Variants in AHRR observed in about 807,000 individuals in gnomAD.
AHRR encodes the protein ahR repressor.
AHRR carries 28 observed loss-of-function variants against 44.0 expected under a neutral mutation model. That is an observed-to-expected ratio of 0.64 (90% confidence interval 0.47 to 0.87). The LOEUF (loss-of-function observed/expected upper bound fraction) is 0.87. Ranked by LOEUF, AHRR falls within the 40% of genes least tolerant of loss-of-function variation. The pLI is 0.00. For synonymous variants in AHRR, 434 were observed against 407.0 expected, an observed-to-expected ratio of 1.07 and a Z score of -0.80; for missense variants, 990 against 953.9, an observed-to-expected ratio of 1.04 and a Z score of -0.50.
intron 9 of AHRR, 57 bp from the exon 10 acceptor site, chr5:432,749 T>G (rs1367824926): frequency 3.1e-6 from 5 of 1,613,236 alleles, no homozygotes; most frequent in Non-Finnish European, 4.2e-6. Flanking sequence ...GCAACCGTCT[T>G]CCAGGAGCTC....
At chr5:366,601 G>A (rs575099489) in intron 3 of AHRR, among the ~76,000 whole-genome samples, 8 of 152,288 alleles carry the variant, frequency 5.3e-5, no homozygotes, top group Non-Finnish European at 1.0e-4. Context: ...TGGTGAAAAT[G>A]GGATGAGACA....
At chr5:377,587 C>T (rs572955507) in intron 4 of AHRR, among the ~76,000 whole-genome samples, 35 of 152,324 alleles carry the variant, frequency 2.3e-4, no homozygotes, top group African/African-American at 8.4e-4. Flanking sequence ...AGCCAGCAGC[C>T]ACTAGTCTCC....
At chr5:389,752 G>T in intron 4 of AHRR, among the ~76,000 whole-genome samples, 1 of 151,996 alleles carries the variant, frequency 6.6e-6, no homozygotes, top group Non-Finnish European at 1.5e-5. Context: ...CACGGCACAG[G>T]CCCGCTCTGG....
intron 1 of AHRR, among the ~76,000 whole-genome samples, chr5:329,715 T>A (rs1487641495): frequency 6.6e-6 from 1 of 152,216 alleles, no homozygotes; most frequent in Non-Finnish European, 1.5e-5. Flanking sequence ...TTCTCAGGTA[T>A]TTTTTAATGG....
chr5:408,530 A>G (rs959582556), intron 4 of AHRR, among the ~76,000 whole-genome samples: 1 of 152,042 alleles, frequency 6.6e-6, no homozygotes, highest in Non-Finnish European at 1.5e-5. Flanking sequence ...TCCTTGGATT[A>G]TATCTGCTTG....
At chr5:413,194 T>TA (rs1735541521) in intron 4 of AHRR, 150 bp from the exon 5 acceptor site, 1 of 523,798 alleles carries the variant, frequency 1.9e-6, no homozygotes, top group African/African-American at 2.0e-5. Flanking sequence ...GACAAAATGG[T>TA]AATAAATAAA....
intron 3 of AHRR, among the ~76,000 whole-genome samples, chr5:361,936 G>A (rs958025392): frequency 2.6e-5 from 4 of 152,234 alleles, no homozygotes; most frequent in African/African-American, 9.6e-5. Context: ...TTGGGATGGA[G>A]TTAATGTATT....
chr5:322,719 C>T (rs1018286509), intron 1 of AHRR: 9 of 152,178 alleles, frequency 5.9e-5, no homozygotes, highest in African/African-American at 1.9e-4. Flanking sequence ...GGACTCGGGC[C>T]GAGTGTGCCA....
intron 4 of AHRR, among the ~76,000 whole-genome samples, chr5:401,545 C>T (rs900518347): frequency 5.3e-5 from 8 of 152,218 alleles, no homozygotes; most frequent in Non-Finnish European, 1.0e-4. Context: ...GTACTCCCCA[C>T]GGTCAACTCC....
At chr5:376,555 A>ACCGCGGGGT (rs1306970800) in intron 3 of AHRR, 55 bp from the exon 4 acceptor site, 3 of 1,431,438 alleles carry the variant, frequency 2.1e-6, no homozygotes, top group Admixed American at 2.2e-5. Context: ...TGAATGAAGA[A>ACCGCGGGGT]GAGTGGCCAG....
rs201569850 is a variant in AHRR, at chr5:433,951, C to T, written c.1211C>T (p.Ala404Val). 466 of 1,551,010 alleles carry T rather than the reference C, an allele frequency of 3.0e-4. No homozygotes were observed. The highest frequency in any genetic ancestry group is 3.5e-4 in the Non-Finnish European group (407 of 1,148,200). The change falls in exon 11 of 11, where the codon GCG becomes GTG. Residue 404 changes from alanine (A) to valine (V), a missense_variant. Transcript: ENST00000684583. ...PGPTKPLPWT[A>V]GKHSEDGARP... is the part of the protein sequence containing the mutation. ...CCCACAAAGCCCCTGCCCTGGACAG[C>T]GGGAAAGCACAGTGAGGATGGTGCC...
rs925868638 is a variant in AHRR at position 422,381 on chromosome 5, A to C, written c.442-348A>C. ...GGCCATAAGATGTGAAGTGATGGGA[A>C]ACCGAGTCACAAAGAGTCCAAGTCG... On this transcript the variant is annotated intron_variant, in intron 5 of 10. Transcript: ENST00000684583. 5.3e-5 allele frequency: 19 copies of C among 355,334 alleles called. 1 individual carries two copies. Among genetic ancestry groups the C allele is most frequent in the Middle Eastern group, 9.6e-4 (1 of 1,046 alleles). 22.0% of individuals were successfully genotyped at this position (355,334 alleles called of 1,614,324 possible).
At position 404,090 on chromosome 5, in the gene AHRR, C is replaced by A; in HGVS notation, c.352-9254C>A. The A allele has an allele frequency of 1.6e-6, 1 of 626,526 alleles. No individual in the cohort carries two copies. The highest frequency in any genetic ancestry group is 1.5e-5 in the South Asian group (1 of 65,084). The allele number at this position is 626,526 out of a possible 1,614,324, so 38.8% of individuals were successfully genotyped here. ...CCAGCGTTTGAAGAAAAAGTCAGTT[C>A]CGTTGTCAGGGTTGGTCCAGGTTTG... On this transcript the variant is annotated intron_variant, in intron 4 of 10. Transcript: ENST00000684583. The surrounding 1 kb of genome is among the most constrained non-coding windows in gnomAD (Gnocchi z 4.1).
rs185327390 is a variant in AHRR at position 338,338 on chromosome 5, G to C, written c.-10-5555G>C. On this transcript the variant is annotated intron_variant, in intron 1 of 10. Transcript: ENST00000684583. The surrounding 1 kb of genome is among the most constrained non-coding windows in gnomAD (Gnocchi z 4.1). Reference sequence around the variant, plus strand: ...TTTCTTATAGTGTGGGTCAGCTAGTGATGATTTCTTTCAGTTTTTGTGCAT... The same window carrying C: ...TTTCTTATAGTGTGGGTCAGCTAGTCATGATTTCTTTCAGTTTTTGTGCAT... Among the ~76,000 whole-genome samples, 17 of 152,256 alleles carry C rather than the reference G, an allele frequency of 1.1e-4. No individual in the cohort carries two copies. Among genetic ancestry groups the C allele is most frequent in the Admixed American group, 1.1e-3 (17 of 15,298 alleles).
rs959793422 is a variant in AHRR, at chr5:405,971, C to T, written c.352-7373C>T. 7.2e-5 allele frequency among the ~76,000 whole-genome samples: 11 copies of T among 152,112 alleles called. No homozygotes were observed. Among genetic ancestry groups the T allele is most frequent in the Non-Finnish European group, 1.2e-4 (8 of 68,018 alleles). On this transcript the variant is annotated intron_variant, in intron 4 of 10. Transcript: ENST00000684583. The surrounding 1 kb of genome is among the most constrained non-coding windows in gnomAD (Gnocchi z 4.5). Reference sequence around the variant, plus strand: ...ACGCAGCCTCTGGTTTGAACTGGACCCTGGGTAGCAGTTCAACCTTCCCCA... The same window carrying T: ...ACGCAGCCTCTGGTTTGAACTGGACTCTGGGTAGCAGTTCAACCTTCCCCA...
intron 8 of AHRR, among the ~76,000 whole-genome samples, chr5:428,683 A>G (rs1001822596): frequency 2.6e-5 from 4 of 152,278 alleles, no homozygotes; most frequent in Non-Finnish European, 4.4e-5. Context: ...ACATTGTAAT[A>G]TATAATGAAA....
intron 4 of AHRR, among the ~76,000 whole-genome samples, chr5:399,733 C>A (rs1038422065): frequency 2.0e-5 from 3 of 152,210 alleles, no homozygotes; most frequent in Admixed American, 6.5e-5. Context: ...GTTAACCGAG[C>A]GGGGCTGCAG....
chr5:371,429 C>G (rs2126429709), intron 3 of AHRR, among the ~76,000 whole-genome samples: 2 of 152,334 alleles, frequency 1.3e-5, no homozygotes, highest in East Asian at 3.9e-4. Context: ...GATTTCAGCC[C>G]AGCCCTGCTC....
At chr5:415,360 A>AATCTCCCT (rs1560915735) in intron 5 of AHRR, among the ~76,000 whole-genome samples, 5 of 139,950 alleles carry the variant, frequency 3.6e-5, no homozygotes, top group Non-Finnish European at 1.6e-5. Flanking sequence ...CTAGGGGCCG[A>AATCTCCCT]GTCTCCCTGG....
Sources: allele counts gnomAD v4.1 joint callset (sites outside exome capture counted in the v4.1 genomes callset), GRCh38; gene constraint gnomAD v4.1.1; non-coding constraint Gnocchi (gnomAD v3.1); transcripts MANE v1.5; gene names NCBI Gene and HGNC (gene_info 2026-07-23, HGNC 2026-07-21).